DALRD3: variants seen among roughly 807,000 people sequenced by gnomAD.
DALRD3 encodes DALR anticodon-binding domain-containing protein 3.
DALRD3 carries 47 observed loss-of-function variants against 56.7 expected under a neutral mutation model. The ratio of observed to expected loss-of-function variants is 0.83; its 90% CI spans 0.66 to 1.06. DALRD3 has a LOEUF of 1.06. Among genes scored for constraint, DALRD3 ranks in the 50% least tolerant of loss-of-function variants. The pLI is 0.00. For missense variants in DALRD3, 787 were observed against 724.0 expected (o/e 1.09, Z -1.00); for synonymous variants, 347 against 308.5 (o/e 1.12, Z -1.31).
At chr3:49,016,747 G>A (rs1343968553) in intron 6 of DALRD3, 27 bp downstream of exon 6, 2 of 1,614,100 alleles carry the variant, frequency 1.2e-6, no homozygotes, top group Admixed American at 1.7e-5. Flanking sequence ...CCTGGCTTAG[G>A]TTGGTGTTCC....
intron 5 of DALRD3, 45 bp from the exon 6 acceptor site, chr3:49,016,892 C>A: frequency 1.2e-6 from 2 of 1,610,358 alleles, no homozygotes; most frequent in South Asian, 2.2e-5. Context: ...GCGCTACTCT[C>A]CAGGAAGTCC....
chr3:49,017,941 C>A, intron 2 of DALRD3, 72 bp from the exon 3 acceptor site: 1 of 1,530,174 alleles, frequency 6.5e-7, no homozygotes. Context: ...CCTCCAGCCG[C>A]AGTCCCCACG....
upstream of DALRD3, chr3:49,018,983 T>G (rs1410921373): frequency 1.0e-6 from 1 of 985,364 alleles, no homozygotes; most frequent in African/African-American, 1.7e-5. Context: ...TAAGGCCACT[T>G]TCACGACCTA....
chr3:49,017,952 G>A, intron 2 of DALRD3, 71 bp downstream of exon 2: 1 of 1,509,592 alleles, frequency 6.6e-7, no homozygotes, highest in Non-Finnish European at 8.8e-7. Context: ...AGTCCCCACG[G>A]GCGGCGCCGC....
Position 49,017,478 on chromosome 3 carries a change from G to A in DALRD3, c.754C>T (p.Gln252Ter). The A allele has an allele frequency of 6.2e-7, 1 of 1,614,112 alleles. No individual in the cohort carries two copies. The highest frequency in any genetic ancestry group is 8.5e-7 in the Non-Finnish European group (1 of 1,180,030). ...EDLLSVLAEL[Q>*]EALWHWPEDS... ...TCGGGCCAATGCCATAGAGCCTCTT[G>A]CAGCTCAGCCAGCACAGAGAGGAGA... is the stretch of plus-strand genomic sequence containing the variant. The change falls in exon 4 of 12, where the codon CAA becomes TAA. Residue 252 changes from glutamine (Q) to a stop codon, truncating the protein, a stop_gained. Coordinates refer to ENST00000341949, the MANE Select transcript of DALRD3 (RefSeq NM_001009996.3). LOFTEE classifies it high-confidence loss of function.
At position 49,018,136 on chromosome 3, in the gene DALRD3, C is replaced by CT; in HGVS notation, c.347dup (p.Arg117AlafsTer81). On this transcript the variant is annotated frameshift_variant, in exon 2 of 12. Coordinates refer to ENST00000341949, the MANE Select transcript of DALRD3 (RefSeq NM_001009996.3). LOFTEE classifies it high-confidence loss of function. Reference sequence around the variant, plus strand: ...GTGCTGGGCAGTGTAGTAAGACGCGCTGGCCCAGCGAGGCAGGCGAGGCGG... The same window carrying CT: ...GTGCTGGGCAGTGTAGTAAGACGCGCTTGGCCCAGCGAGGCAGGCGAGGCGG... The CT allele has an allele frequency of 6.8e-7, 1 of 1,467,864 alleles. No individual in the cohort carries two copies. Among genetic ancestry groups the CT allele is most frequent in the Non-Finnish European group, 8.9e-7 (1 of 1,120,514 alleles). 90.9% of individuals were successfully genotyped at this position (1,467,864 alleles called of 1,614,324 possible). A position where few individuals can be genotyped will look rare whatever the true frequency, so the allele number is the denominator to read the frequency against.
Position 49,016,813 on chromosome 3 carries a change from C to T in DALRD3, c.962G>A (p.Gly321Asp). ...HLICGPVKVA[G>D]APGTLMTAPE... ...GGCAGTCATCAGAGTGCCAGGTGCACCAGCTACTTTCACAGGGCCACAGAT... is the reference window on the plus strand; with the variant it reads ...GGCAGTCATCAGAGTGCCAGGTGCATCAGCTACTTTCACAGGGCCACAGAT... Residue 321 changes from glycine (G) to aspartate (D), a missense_variant, in exon 6 of 12, where the codon GGT becomes GAT. Transcript: ENST00000341949. The T allele has an allele frequency of 6.2e-7, 1 of 1,614,184 alleles. No individual in the cohort carries two copies. The highest frequency in any genetic ancestry group is 8.5e-7 in the Non-Finnish European group (1 of 1,180,036).
chr3:49,017,596 T>C lies in DALRD3; in HGVS notation c.718+17A>G. ...CCCCTCCTGCCTTTTCTGGCCCTGC[T>C]AGGCTTCAGGTCCTACCCAGACAGT... On this transcript the variant is annotated intron_variant, in intron 3 of 11. Coordinates refer to ENST00000341949, the MANE Select transcript of DALRD3 (RefSeq NM_001009996.3). 6.2e-7 allele frequency: 1 copy of C among 1,614,022 alleles called. No homozygotes were observed. Among genetic ancestry groups the C allele is most frequent in the Non-Finnish European group, 8.5e-7 (1 of 1,179,908 alleles).
In DALRD3 at chr3:49,016,204, G is replaced by A; in HGVS notation, c.1283C>T (p.Thr428Ile). Reference sequence around the variant, plus strand: ...GTCCAGACTGCTCACAGGAGGAAAAGTGGGGTACAGACCTTGTTCCATACT... The same window carrying A: ...GTCCAGACTGCTCACAGGAGGAAAAATGGGGTACAGACCTTGTTCCATACT... Reference protein sequence around the residue: ...KCSMEQGLYPTFPPVSSLDFS... With the variant: ...KCSMEQGLYPIFPPVSSLDFS... Residue 428 changes from threonine to isoleucine, a missense_variant, in exon 9 of 12, where the codon ACT becomes ATT. Transcript: ENST00000341949. 6.2e-7 allele frequency: 1 copy of A among 1,614,176 alleles called. No individual in the cohort carries two copies. The highest frequency in any genetic ancestry group is 1.1e-5 in the South Asian group (1 of 91,084).
At chr3:49,015,914 T>G in intron 10 of DALRD3, 42 bp from the exon 11 acceptor site, 1 of 1,614,218 alleles carries the variant, frequency 6.2e-7, no homozygotes, top group Non-Finnish European at 8.5e-7. Context: ...TCTTTGCTCT[T>G]GTGCCCCAGG....
chr3:49,021,355 G>C (rs1255160310), upstream of DALRD3: 1 of 152,576 alleles, frequency 6.6e-6, no homozygotes, highest in Non-Finnish European at 1.5e-5. The surrounding 1 kb of genome is among the most constrained non-coding windows in gnomAD (Gnocchi z 4.1). Context: ...ATCAAGACGG[G>C]GGACGGGGGA....
chr3:49,018,079 G>T lies in DALRD3; in HGVS notation c.405C>A (p.Ser135Arg), dbSNP rs1264573660. The change falls in exon 2 of 12, where the codon AGC becomes AGA. Residue 135 changes from serine (S) to arginine (R), a missense_variant. Ser to Arg is a moderately radical substitution (Grantham distance 110). Coordinates refer to ENST00000341949, the MANE Select transcript of DALRD3 (RefSeq NM_001009996.3). ...CGGCCACGAGCACCGTACGCAGCTG[G>T]CTCAAGCGGAGTGCGCAGGGGGAGC... ...LRSSPCALRLSQLRTVLVADH... is the reference protein window; with the variant it reads ...LRSSPCALRLRQLRTVLVADH... 2 of 1,490,678 alleles carry T rather than the reference G, an allele frequency of 1.3e-6. No homozygotes were observed. The highest frequency in any genetic ancestry group is 1.8e-6 in the Non-Finnish European group (2 of 1,129,768). The allele number at this position is 1,490,678 out of a possible 1,614,324, so 92.3% of individuals were successfully genotyped here. A position where few individuals can be genotyped will look rare whatever the true frequency, so the allele number is the denominator to read the frequency against.
Position 49,018,244 on chromosome 3 carries a change from C to A in DALRD3, c.240G>T (p.Pro80=), listed in dbSNP as rs770338797. 44 of 1,436,126 alleles carry A rather than the reference C, an allele frequency of 3.1e-5. No individual in the cohort carries two copies. The highest frequency in any genetic ancestry group is 4.0e-5 in the Non-Finnish European group (44 of 1,103,328). The allele number at this position is 1,436,126 out of a possible 1,614,324, so 89.0% of individuals were successfully genotyped here. A position where few individuals can be genotyped will look rare whatever the true frequency, so the allele number is the denominator to read the frequency against. ...PGVAPVLRCA[P]TPAGLSLQLQ... is the part of the protein sequence containing the mutation. ...GTTGGAGAGACAGACCCGCGGGGGT[C>A]GGCGCGCAGCGCAGCACCGGGGCCA... Residue 80 remains proline, a synonymous_variant, in exon 2 of 12, where the codon CCG becomes CCT. Transcript: ENST00000341949.
rs1423677745 is a variant in DALRD3, at chr3:49,016,034, C to T, written c.1382G>A (p.Ser461Asn). 1.9e-6 allele frequency: 3 copies of T among 1,601,524 alleles called. No individual in the cohort carries two copies. The highest frequency in any genetic ancestry group is 1.7e-6 in the Non-Finnish European group (2 of 1,171,480). ...TGTGCAGTCCAGCACTGCTGTCCGG[C>T]TCAGCAGATCCGGAAAGGGGAGGAT... ...NSILPFPDLL[S>N]RTAVLDCTAP... Residue 461 changes from serine to asparagine, a missense_variant, in exon 10 of 12, where the codon AGC becomes AAC. Ser to Asn is a conservative substitution (Grantham distance 46). Transcript: ENST00000341949.
rs749040850 is a variant in DALRD3, at chr3:49,015,678, C to T, written c.1542G>A (p.Met514Ile). Residue 514 changes from methionine (M) to isoleucine (I), a missense_variant, in exon 12 of 12, where the codon ATG becomes ATA. By Grantham distance (10) the Met-to-Ile change is conservative. Transcript: ENST00000341949. ...GEPRPHLFGQ[M>I]FVRLQLLRAV... ...CTCTCAGAAGCTGCAGGCGGACGAA[C>T]ATCTGACCAAAGAGGTGTGGTCGAG... The T allele has an allele frequency of 4.3e-6, 7 of 1,614,128 alleles. No individual in the cohort carries two copies. Among genetic ancestry groups the T allele is most frequent in the Non-Finnish European group, 5.9e-6 (7 of 1,180,026 alleles).
In DALRD3 at chr3:49,017,259, T is replaced by G. The variant is rs3087866; in HGVS notation, c.896A>C (p.Gln299Pro). Residue 299 changes from glutamine to proline, a missense_variant, in exon 5 of 12, where the codon CAG becomes CCG. By Grantham distance (76) the Gln-to-Pro change is moderately conservative. Transcript: ENST00000341949. The part of the protein sequence containing the change: ...FQQQKLDLLW[Q>P]KLVDKAPLRQ... ...GAGTGGAGCCTTGTCAACCAACTTC[T>G]GCCAAAGCAGGTCCAACTTCTGTTG... 1.2e-6 allele frequency: 2 copies of G among 1,614,078 alleles called. No individual in the cohort carries two copies. The highest frequency in any genetic ancestry group is 2.2e-5 in the South Asian group (2 of 91,082).
Position 49,018,452 on chromosome 3 carries a change from C to G in DALRD3, c.113G>C (p.Arg38Pro), listed in dbSNP as rs765058921. The G allele has an allele frequency of 1.9e-6, 3 of 1,589,346 alleles. No individual in the cohort carries two copies. Among genetic ancestry groups the G allele is most frequent in the Admixed American group, 1.7e-5 (1 of 57,144 alleles). ...CGCGCGGTGCGGTGCCAGAAAGTCT[C>G]GGGAACGCAGGTGGCGGGTGCGCGT... ...KETRTRHLRS[R>P]DFLAPHRALQ... The change falls in exon 1 of 12, where the codon CGA becomes CCA. Residue 38 changes from arginine (R) to proline (P), a missense_variant. Coordinates refer to ENST00000341949, the MANE Select transcript of DALRD3 (RefSeq NM_001009996.3).
chr3:49,017,612 C>G lies in DALRD3; in HGVS notation c.718+1G>C. 6.2e-7 allele frequency: 1 copy of G among 1,614,166 alleles called. No homozygotes were observed. Among genetic ancestry groups the G allele is most frequent in the Non-Finnish European group, 8.5e-7 (1 of 1,180,018 alleles). The stretch of plus-strand genomic sequence containing the variant: ...TGGCCCTGCTAGGCTTCAGGTCCTA[C>G]CCAGACAGTTGTCCAGGTTGGGGTC... On this transcript the variant is annotated splice_donor_variant, in intron 3 of 11. Transcript: ENST00000341949. LOFTEE classifies it high-confidence loss of function.
chr3:49,020,679 T>C (rs1289916556), upstream of DALRD3: 1 of 491,774 alleles, frequency 2.0e-6, no homozygotes, highest in Non-Finnish European at 4.2e-6. Context: ...CAACAGCTGC[T>C]TTTGGGATTC....
Sources: gnomAD v4.1 joint callset for allele counts on GRCh38, gnomAD v4.1.1 for gene constraint, Gnocchi (gnomAD v3.1) non-coding constraint, MANE v1.5 for transcripts, NCBI Gene and HGNC (gene_info 2026-07-23, HGNC 2026-07-21) for gene names.